NUP35: variants seen among roughly 807,000 people sequenced by gnomAD.
The protein encoded by NUP35 is nucleoporin 35, also known as nucleoporin NUP35.
In NUP35, 25 loss-of-function variants were observed where a neutral mutation model predicts 41.5. That is an observed-to-expected ratio of 0.60 (90% CI 0.44 to 0.84). The LOEUF (loss-of-function observed/expected upper bound fraction) is 0.84, where lower values mean the gene tolerates loss of function less well. Ranked by LOEUF, NUP35 falls within the 40% of genes least tolerant of loss-of-function variation. The pLI is 0.00. For missense variants in NUP35, 396 were observed against 396.6 expected, an observed-to-expected ratio of 1.00 and a Z score of 0.01; for synonymous variants, 149 against 130.7, an observed-to-expected ratio of 1.14 and a Z score of -0.96.
At chr2:183,132,888 A>C (rs1297138776) in intron 3 of NUP35, among the ~76,000 whole-genome samples, 3 of 152,226 alleles carry the variant, frequency 2.0e-5, no homozygotes, top group Non-Finnish European at 2.9e-5. Flanking sequence ...CTCAGCATTT[A>C]GTTCTGGTTG....
At chr2:183,135,258 C>T (rs559254036) in intron 4 of NUP35, among the ~76,000 whole-genome samples, 3 of 152,278 alleles carry the variant, frequency 2.0e-5, no homozygotes, top group South Asian at 4.1e-4. Flanking sequence ...ATTCCACCTA[C>T]CACTGATAGT....
intron 8 of NUP35, 119 bp from the exon 9 acceptor site, chr2:183,160,935 A>G (rs778479881): frequency 4.1e-5 from 28 of 689,966 alleles, no homozygotes; most frequent in Non-Finnish European, 6.4e-5. Flanking sequence ...ACAAAAATTT[A>G]CAATTTAGTG....
At chr2:183,129,000 G>T (rs1398481891) in intron 2 of NUP35, among the ~76,000 whole-genome samples, 1 of 152,130 alleles carries the variant, frequency 6.6e-6, no homozygotes, top group African/African-American at 2.4e-5. Context: ...AAATTTCTGT[G>T]TCGGAGATGT....
At chr2:183,130,903 G>C (rs878891384) in intron 3 of NUP35, 1 of 1,004,586 alleles carries the variant, frequency 1.0e-6, no homozygotes. Flanking sequence ...TTATGTGAAA[G>C]AACAAATGAA....
At chr2:183,133,685 G>A (rs887993886) in intron 4 of NUP35, 62 bp downstream of exon 4, 1 of 1,190,154 alleles carries the variant, frequency 8.4e-7, no homozygotes, top group South Asian at 1.5e-5. Flanking sequence ...TGCTACCCAC[G>A]CTGGAGTGCA....
In NUP35 at chr2:183,161,093, C is replaced by A; in HGVS notation, c.943C>A (p.Leu315Ile). 1 of 1,613,128 alleles carries A rather than the reference C, an allele frequency of 6.2e-7. No homozygotes were observed. Among genetic ancestry groups the A allele is most frequent in the South Asian group, 1.1e-5 (1 of 91,006 alleles). The change falls in exon 9 of 9, where the codon CTT (leucine) becomes ATT (isoleucine). Residue 315 changes from leucine to isoleucine, a missense_variant. Coordinates refer to ENST00000295119, the MANE Select transcript of NUP35 (RefSeq NM_138285.5). Reference protein sequence around the residue: ...DRQTPKKDESLVSKAMEYMFG... With the variant: ...DRQTPKKDESIVSKAMEYMFG... The stretch of plus-strand genomic sequence containing the variant: ...ACAAACGCCAAAAAAAGATGAAAGT[C>A]TTGTATCCAAAGCAATGGAGTACAT...
At chr2:183,118,517 TTA>T (rs1408813745) in intron 1 of NUP35, 1 of 152,212 alleles carries the variant, frequency 6.6e-6, no homozygotes, top group Non-Finnish European at 1.5e-5. Context: ...ATTAAATAAG[TTA>T]TGTCAGATAA....
upstream of NUP35, among the ~76,000 whole-genome samples, chr2:183,120,567 A>C (rs772158019): frequency 3.3e-5 from 5 of 152,214 alleles, no homozygotes; most frequent in Non-Finnish European, 7.3e-5. Flanking sequence ...GGCAGAAAGA[A>C]TATCTCAATG....
In NUP35 at chr2:183,161,105, G is replaced by T; in HGVS notation, c.955G>T (p.Ala319Ser). The change falls in exon 9 of 9, where the codon GCA becomes TCA. Residue 319 changes from alanine to serine, a missense_variant. Transcript: ENST00000295119. ...AAAAGATGAAAGTCTTGTATCCAAA[G>T]CAATGGAGTACATGTTTGGCTGGTA... is the stretch of plus-strand genomic sequence containing the variant. ...PKKDESLVSK[A>S]MEYMFGW 6.2e-7 allele frequency: 1 copy of T among 1,613,018 alleles called. No homozygotes were observed. The highest frequency in any genetic ancestry group is 8.5e-7 in the Non-Finnish European group (1 of 1,179,338).
At chr2:183,125,345 C>G (rs1465065799) in intron 1 of NUP35, among the ~76,000 whole-genome samples, 1 of 151,816 alleles carries the variant, frequency 6.6e-6, no homozygotes. Context: ...AATAAACCGT[C>G]TTACTGTCAT....
At chr2:183,121,684 A>AG (rs1360454214), upstream of NUP35, among the ~76,000 whole-genome samples, 3 of 151,892 alleles carry the variant, frequency 2.0e-5, no homozygotes. Context: ...TTCAAAAAAA[A>AG]AAATGAGTTG....
chr2:183,121,160 G>A (rs2105524708), upstream of NUP35, among the ~76,000 whole-genome samples: 1 of 152,232 alleles, frequency 6.6e-6, no homozygotes, highest in East Asian at 1.9e-4. Context: ...TGTCAAAGCT[G>A]TTGGATACTG....
chr2:183,159,485 CAG>C lies in NUP35; in HGVS notation c.739_740del, dbSNP rs1187774040. 1.2e-6 allele frequency: 2 copies of C among 1,610,052 alleles called. No individual in the cohort carries two copies. The highest frequency in any genetic ancestry group is 1.7e-6 in the Non-Finnish European group (2 of 1,178,054). On this transcript the variant is annotated splice_acceptor_variant, in intron 7 of 8. Coordinates refer to ENST00000295119, the MANE Select transcript of NUP35 (RefSeq NM_138285.5). LOFTEE classifies it high-confidence loss of function. Reference sequence around the variant, plus strand: ...CAAAGGAGTTATTTCTTTGTTTCTCCAGAGTGTTATGGAAAGCAGTGACAGAT... The same window carrying C: ...CAAAGGAGTTATTTCTTTGTTTCTCCAGTGTTATGGAAAGCAGTGACAGAT...
chr2:183,138,269 A>ATATATATTT lies in NUP35; in HGVS notation c.397+4647_397+4648insATATATTTT. On this transcript the variant is annotated intron_variant, in intron 4 of 8. Transcript: ENST00000295119. ...GCTATATATATATATATATATATAT[A>ATATATATTT]TTTTTTTTTTTTTTTAGCTCCTGTA... 4.2e-4 allele frequency among the ~76,000 whole-genome samples: 34 copies of ATATATATTT among 80,692 alleles called. 1 individual carries two copies. Among genetic ancestry groups the ATATATATTT allele is most frequent in the African/African-American group, 1.9e-3 (31 of 16,170 alleles). 52.9% of individuals were successfully genotyped at this position (80,692 alleles called of 152,430 possible).
At chr2:183,124,935 T>G (rs1348652019) in intron 1 of NUP35, among the ~76,000 whole-genome samples, 4 of 152,092 alleles carry the variant, frequency 2.6e-5, no homozygotes, top group Non-Finnish European at 4.4e-5. Context: ...TGCAGTCCAC[T>G]GCTTCTTGAT....
chr2:183,133,266 T>C lies in NUP35; in HGVS notation c.340-300T>C, dbSNP rs1684756431. ...ACCATTATCTCTGTTATTTCAAATA[T>C]TGTACATTAGAAACTAAAAACAAAT... On this transcript the variant is annotated intron_variant, in intron 3 of 8. Coordinates refer to ENST00000295119, the MANE Select transcript of NUP35 (RefSeq NM_138285.5). Among the ~76,000 whole-genome samples the C allele has an allele frequency of 2.6e-5, 4 of 152,076 alleles. No homozygotes were observed. In the South Asian group the frequency reaches 8.3e-4, roughly 31 times the overall value.
chr2:183,150,307 A>G (rs1351900254), intron 4 of NUP35, among the ~76,000 whole-genome samples: 1 of 152,162 alleles, frequency 6.6e-6, no homozygotes, highest in Non-Finnish European at 1.5e-5. Context: ...TAGCTTTTAC[A>G]GTGGCTTTAT....
chr2:183,131,523 C>G (rs1449587935), intron 3 of NUP35, among the ~76,000 whole-genome samples: 1 of 152,166 alleles, frequency 6.6e-6, no homozygotes, highest in African/African-American at 2.4e-5. Flanking sequence ...GCTTACTTGT[C>G]AAGTAAAGCA....
At chr2:183,131,858 T>C (rs1002473616) in intron 3 of NUP35, among the ~76,000 whole-genome samples, 5 of 152,194 alleles carry the variant, frequency 3.3e-5, no homozygotes, top group Admixed American at 3.3e-4. Flanking sequence ...TGGAATTTAT[T>C]GTTCCTAATG....
Sources: allele counts gnomAD v4.1 joint callset (sites outside exome capture counted in the v4.1 genomes callset), GRCh38; gene constraint gnomAD v4.1.1; transcripts MANE v1.5; gene names NCBI Gene and HGNC (gene_info 2026-07-23, HGNC 2026-07-21).